The following MAGI3 variants were observed in gnomAD, a reference collection of about 807,000 sequenced individuals.
MAGI3 encodes the protein membrane-associated guanylate kinase, WW and PDZ domain-containing protein 3.
MAGI3 carries 43 observed loss-of-function variants against 121.8 expected under a neutral mutation model. The ratio of observed to expected loss-of-function variants is 0.35; its 90% CI spans 0.28 to 0.46. The LOEUF (loss-of-function observed/expected upper bound fraction) is 0.46, where lower values mean the gene tolerates loss of function less well. Ranked by LOEUF, MAGI3 falls within the 20% of genes least tolerant of loss-of-function variation. The pLI is 1.00. For synonymous variants in MAGI3, 553 were observed against 639.3 expected (o/e 0.86, Z 2.04); for missense variants, 1,547 against 1,797.3 (o/e 0.86, Z 2.52).
chr1:113,413,428 G>A (rs1238255186), intron 1 of MAGI3, among the ~76,000 whole-genome samples: 1 of 152,152 alleles, frequency 6.6e-6, no homozygotes, highest in Non-Finnish European at 1.5e-5. Flanking sequence ...GTCATTGGTA[G>A]CTTCATGGGG....
chr1:113,641,024 T>G (rs1570985150), intron 9 of MAGI3, among the ~76,000 whole-genome samples: 1 of 24,652 alleles, frequency 4.1e-5, no homozygotes, highest in Non-Finnish European at 9.8e-5. Flanking sequence ...TGATATATAA[T>G]ATATATGATA....
chr1:113,533,761 A>T (rs1175918365), intron 1 of MAGI3, among the ~76,000 whole-genome samples: 3 of 150,322 alleles, frequency 2.0e-5, no homozygotes, highest in African/African-American at 7.3e-5. Context: ...CTTGATTTGG[A>T]CTGTTTAAAT....
chr1:113,539,226 C>T (rs959129384), intron 1 of MAGI3, among the ~76,000 whole-genome samples: 5 of 151,938 alleles, frequency 3.3e-5, no homozygotes, highest in Non-Finnish European at 5.9e-5. Context: ...AACCCCATCT[C>T]TACTAAAAAT....
intron 1 of MAGI3, among the ~76,000 whole-genome samples, chr1:113,543,849 C>T (rs1659405546): frequency 1.4e-5 from 2 of 143,246 alleles, no homozygotes; most frequent in Non-Finnish European, 3.0e-5. Flanking sequence ...GCCTGGTTGA[C>T]AGAGTGAGAC....
chr1:113,487,341 T>C (rs1451130918), intron 1 of MAGI3, among the ~76,000 whole-genome samples: 1 of 152,208 alleles, frequency 6.6e-6, no homozygotes, highest in Non-Finnish European at 1.5e-5. Context: ...TAAATACTTG[T>C]TAACAGAAAT....
In MAGI3 at chr1:113,681,299, T is replaced by A. The variant is rs1349822937; in HGVS notation, c.3291T>A (p.Leu1097=). The part of the protein sequence containing the change: ...LIQAGGNKVL[L]LLRPGTGLIP... ...AGGCTGGTGGAAATAAAGTTCTTCT[T>A]CTTTTGAGGCCAGGAACTGGCTTGA... is the stretch of plus-strand genomic sequence containing the variant. The change falls in exon 20 of 21, where the codon CTT becomes CTA. Residue 1097 remains leucine, a synonymous_variant. Coordinates refer to ENST00000307546, the MANE Select transcript of MAGI3 (RefSeq NM_001142782.2). 3 of 1,614,016 alleles carry A rather than the reference T, an allele frequency of 1.9e-6. No individual in the cohort carries two copies. In the African/African-American group the frequency reaches 4.0e-5, roughly 22 times the overall value.
chr1:113,625,397 A>G (rs1651181055), intron 9 of MAGI3, among the ~76,000 whole-genome samples: 1 of 152,134 alleles, frequency 6.6e-6, no homozygotes, highest in African/African-American at 2.4e-5. Flanking sequence ...ATAATTTTTA[A>G]TGCAGAGATC....
chr1:113,433,886 T>A (rs1936929), intron 1 of MAGI3, among the ~76,000 whole-genome samples: 2 of 152,264 alleles, frequency 1.3e-5, no homozygotes, highest in African/African-American at 4.8e-5. Flanking sequence ...ATCACACAGA[T>A]GTTGAGTCAC....
At chr1:113,626,556 A>G (rs1489953688) in intron 9 of MAGI3, among the ~76,000 whole-genome samples, 1 of 152,154 alleles carries the variant, frequency 6.6e-6, no homozygotes. Context: ...AATGCTTGGT[A>G]GAATTCAGCA....
chr1:113,434,285 A>AT (rs1653449258), intron 1 of MAGI3, among the ~76,000 whole-genome samples: 1 of 152,132 alleles, frequency 6.6e-6, no homozygotes, highest in Non-Finnish European at 1.5e-5. Flanking sequence ...AAGCACACTG[A>AT]TAGGCCAGGC....
intron 3 of MAGI3, among the ~76,000 whole-genome samples, chr1:113,583,816 A>G (rs542743314): frequency 6.6e-6 from 1 of 152,302 alleles, no homozygotes; most frequent in East Asian, 1.9e-4. Flanking sequence ...GAGTAACTCC[A>G]TTTCAAATAT....
rs769484287 is a variant in MAGI3 at position 113,391,409 on chromosome 1, T to C, written c.316+60T>C. The C allele has an allele frequency of 6.5e-7, 1 of 1,532,100 alleles. No individual in the cohort carries two copies. The highest frequency in any genetic ancestry group is 8.8e-7 in the Non-Finnish European group (1 of 1,132,678). The allele number at this position is 1,532,100 out of a possible 1,614,324, so 94.9% of individuals were successfully genotyped here. ...GGGGAGAGGGGCTTCAGGGTGGGCG[T>C]CCTGGGAGCGGCGGCACCTCCCCAC... On this transcript the variant is annotated intron_variant, in intron 1 of 20. Coordinates refer to ENST00000307546, the MANE Select transcript of MAGI3 (RefSeq NM_001142782.2). This position sits in a 1 kb window ranked among gnomAD's most constrained non-coding sequence, Gnocchi z 4.4.
At chr1:113,437,835 T>C (rs1213279793) in intron 1 of MAGI3, among the ~76,000 whole-genome samples, 99 of 29,986 alleles carry the variant, frequency 3.3e-3, no homozygotes, top group African/African-American at 9.8e-3. Context: ...TTCTTCTTCT[T>C]CTTCTTCTTC....
At chr1:113,529,542 G>T (rs973760938) in intron 1 of MAGI3, among the ~76,000 whole-genome samples, 1 of 152,212 alleles carries the variant, frequency 6.6e-6, no homozygotes, top group African/African-American at 2.4e-5. Flanking sequence ...TTACACTGGG[G>T]GTTAGGTGTC....
intron 6 of MAGI3, among the ~76,000 whole-genome samples, chr1:113,613,477 C>T (rs1650280786): frequency 6.6e-6 from 1 of 152,072 alleles, no homozygotes; most frequent in Non-Finnish European, 1.5e-5. Context: ...AACAGTATAG[C>T]TTGTCAAGTT....
At chr1:113,594,818 T>C (rs1038687306) in intron 6 of MAGI3, among the ~76,000 whole-genome samples, 2 of 152,214 alleles carry the variant, frequency 1.3e-5, no homozygotes, top group African/African-American at 4.8e-5. Flanking sequence ...TTTGCCCTTT[T>C]TTGACATCTG....
intron 1 of MAGI3, among the ~76,000 whole-genome samples, chr1:113,437,806 T>C (rs185138761): frequency 6.0e-4 from 72 of 119,510 alleles, no homozygotes; most frequent in Admixed American, 4.0e-3. Flanking sequence ...TCTTTCTTCT[T>C]TTCTTCTTCT....
In MAGI3 at chr1:113,391,207, C is replaced by G. The variant is rs1650785655; in HGVS notation, c.174C>G (p.Cys58Trp). Residue 58 changes from cysteine (C) to tryptophan (W), a missense_variant, in exon 1 of 21, where the codon TGC becomes TGG. Coordinates refer to ENST00000307546, the MANE Select transcript of MAGI3 (RefSeq NM_001142782.2). The surrounding 1 kb of genome is among the most constrained non-coding windows in gnomAD (Gnocchi z 4.4). ...LREEPGGGTC[C>W]VVSGKAPSPG... ...AGGAGCCCGGCGGGGGCACCTGCTG[C>G]GTCGTCTCGGGCAAGGCGCCCAGCC... is the stretch of plus-strand genomic sequence containing the variant. 6.4e-7 allele frequency: 1 copy of G among 1,553,706 alleles called. No individual in the cohort carries two copies. Among genetic ancestry groups the G allele is most frequent in the African/African-American group, 1.4e-5 (1 of 73,284 alleles).
Position 113,391,391 on chromosome 1 carries a change from G to A in MAGI3, c.316+42G>A, listed in dbSNP as rs1289215204. The A allele has an allele frequency of 3.2e-6, 5 of 1,553,016 alleles. No homozygotes were observed. The highest frequency in any genetic ancestry group is 4.4e-6 in the Non-Finnish European group (5 of 1,148,948). On this transcript the variant is annotated intron_variant, in intron 1 of 20. Coordinates refer to ENST00000307546, the MANE Select transcript of MAGI3 (RefSeq NM_001142782.2). This position sits in a 1 kb window ranked among gnomAD's most constrained non-coding sequence, Gnocchi z 4.4. ...TATCTGTCTCGGGGTGTTGGGGAGAGGGGCTTCAGGGTGGGCGTCCTGGGA... is the reference window on the plus strand; with the variant it reads ...TATCTGTCTCGGGGTGTTGGGGAGAAGGGCTTCAGGGTGGGCGTCCTGGGA...
Sources: allele counts gnomAD v4.1 joint callset (sites outside exome capture counted in the v4.1 genomes callset), GRCh38; gene constraint gnomAD v4.1.1; non-coding constraint Gnocchi (gnomAD v3.1); transcripts MANE v1.5; gene names NCBI Gene and HGNC (gene_info 2026-07-23, HGNC 2026-07-21).